EPHA3: variants seen among roughly 807,000 people sequenced by gnomAD.
The protein encoded by EPHA3 is EPH receptor A3, also known as ephrin type-A receptor 3.
A neutral mutation model predicts 107.1 loss-of-function variants in EPHA3; 42 were observed. That is an observed-to-expected ratio of 0.39 (90% CI 0.31 to 0.51). EPHA3 has a LOEUF of 0.51. Ranked by LOEUF, EPHA3 falls within the 20% of genes least tolerant of loss-of-function variation. EPHA3 has a pLI of 0.78. For synonymous variants in EPHA3, 461 were observed against 424.8 expected (o/e 1.09, Z -1.05); for missense variants, 1,183 against 1,211.2 (o/e 0.98, Z 0.35).
intron 15 of EPHA3, among the ~76,000 whole-genome samples, chr3:89,457,271 C>T (rs1325176385): frequency 3.3e-5 from 5 of 152,168 alleles, no homozygotes; most frequent in Admixed American, 2.6e-4. Flanking sequence ...GGGGAAAAAG[C>T]CTGATAGATC....
chr3:89,270,153 A>G lies in EPHA3; in HGVS notation c.814+59633A>G, dbSNP rs1705633605. On this transcript the variant is annotated intron_variant, in intron 3 of 16. Transcript: ENST00000336596. ...ATAAGATTGAAACTAATTATTATAT[A>G]AAAGATTCATTAATTTAATGTATTA... Among the ~76,000 whole-genome samples the G allele has an allele frequency of 2.0e-5, 3 of 152,054 alleles. No individual in the cohort carries two copies. The South Asian group carries it at 6.2e-4, about 31-fold the overall frequency.
At chr3:89,201,133 G>GA (rs1203322381) in intron 2 of EPHA3, among the ~76,000 whole-genome samples, 1 of 152,176 alleles carries the variant, frequency 6.6e-6, no homozygotes, top group African/African-American at 2.4e-5. Flanking sequence ...AATCATGGCA[G>GA]AAGGCAAAAG....
At chr3:89,434,189 C>A (rs931764663) in intron 13 of EPHA3, among the ~76,000 whole-genome samples, 3 of 152,018 alleles carry the variant, frequency 2.0e-5, no homozygotes, top group Admixed American at 6.6e-5. Flanking sequence ...GTTCTAATTT[C>A]TATGCCATAT....
chr3:89,476,165 AT>A (rs1710502689), intron 16 of EPHA3, among the ~76,000 whole-genome samples: 2 of 147,626 alleles, frequency 1.4e-5, no homozygotes, highest in Admixed American at 1.4e-4. Flanking sequence ...ATGTTTATAT[AT>A]TGTAGATAAC....
chr3:89,206,176 C>A (rs1239938326), intron 2 of EPHA3, among the ~76,000 whole-genome samples: 8 of 152,204 alleles, frequency 5.3e-5, no homozygotes, highest in Admixed American at 1.3e-4. Flanking sequence ...TCCTTGCAAC[C>A]TTTTATGTGC....
intron 15 of EPHA3, among the ~76,000 whole-genome samples, chr3:89,466,930 G>T (rs561878325): frequency 3.7e-4 from 56 of 151,924 alleles, no homozygotes; most frequent in Non-Finnish European, 6.6e-4. Context: ...AGGTGTAACG[G>T]CTATAACTTC....
intron 5 of EPHA3, among the ~76,000 whole-genome samples, chr3:89,372,714 C>T (rs1484278658): frequency 6.6e-6 from 1 of 151,748 alleles, no homozygotes; most frequent in Non-Finnish European, 1.5e-5. Context: ...ATTTGAACAG[C>T]TTAGTCTCTG....
At chr3:89,213,128 A>G (rs573472974) in intron 3 of EPHA3, among the ~76,000 whole-genome samples, 1 of 152,060 alleles carries the variant, frequency 6.6e-6, no homozygotes, top group South Asian at 2.1e-4. Context: ...CTTCACACCT[A>G]CTAAGTCTGT....
In EPHA3 at chr3:89,281,375, A is replaced by G. The variant is rs79072261; in HGVS notation, c.815-59541A>G. Among the ~76,000 whole-genome samples, 851 of 152,256 alleles carry G rather than the reference A, an allele frequency of 5.6e-3. 4 individuals carry two copies. Among genetic ancestry groups the G allele is most frequent in the African/African-American group, 0.016 (665 of 41,554 alleles). On this transcript the variant is annotated intron_variant, in intron 3 of 16. Transcript: ENST00000336596. The stretch of plus-strand genomic sequence containing the variant: ...ACATATGAGAAAATCAGAGAGGGTA[A>G]GTATCTTGCCCAAGACCAAAAACCA...
rs1346695034 is a variant in EPHA3, at chr3:89,337,892, T to A, written c.815-3024T>A. On this transcript the variant is annotated intron_variant, in intron 3 of 16. Coordinates refer to ENST00000336596, the MANE Select transcript of EPHA3 (RefSeq NM_005233.6). ...TCTGACATTATAAGAAATCTTGAGATTGGTGGTTCCTGGATCAAGTACAGA... is the reference window on the plus strand; with the variant it reads ...TCTGACATTATAAGAAATCTTGAGAATGGTGGTTCCTGGATCAAGTACAGA... 6.6e-5 allele frequency among the ~76,000 whole-genome samples: 10 copies of A among 152,336 alleles called. No individual in the cohort carries two copies. In the East Asian group the frequency reaches 1.9e-3, roughly 29 times the overall value.
chr3:89,436,721 A>T (rs1179773666), intron 13 of EPHA3, among the ~76,000 whole-genome samples: 1 of 152,196 alleles, frequency 6.6e-6, no homozygotes, highest in African/African-American at 2.4e-5. Flanking sequence ...TAAGCTCAAA[A>T]CTTAATTTAT....
intron 1 of EPHA3, among the ~76,000 whole-genome samples, chr3:89,123,529 A>G (rs964536600): frequency 5.9e-5 from 9 of 152,128 alleles, no homozygotes; most frequent in African/African-American, 2.2e-4. Context: ...GATCTTAGTA[A>G]CTTAGTGCCC....
chr3:89,429,217 A>C (rs1709514188), intron 12 of EPHA3, 50 bp downstream of exon 12: 5 of 1,405,240 alleles, frequency 3.6e-6, no homozygotes, highest in Admixed American at 1.7e-5. Context: ...TGCTGAAAAC[A>C]TTAGAGACAC....
intron 5 of EPHA3, among the ~76,000 whole-genome samples, chr3:89,363,522 A>G (rs915469006): frequency 2.0e-5 from 3 of 150,896 alleles, no homozygotes; most frequent in African/African-American, 7.3e-5. Flanking sequence ...TTATTGGAGT[A>G]CAATCTGCTT....
chr3:89,351,364 G>A (rs1707813813), intron 5 of EPHA3, among the ~76,000 whole-genome samples: 3 of 150,970 alleles, frequency 2.0e-5, no homozygotes, highest in Admixed American at 1.3e-4. Context: ...TATTCGGGTG[G>A]GAGTGACCCG....
rs778106353 is a variant in EPHA3 at position 89,408,126 on chromosome 3, G to T, written c.1757G>T (p.Gly586Val). The T allele has an allele frequency of 3.7e-6, 6 of 1,612,562 alleles. No individual in the cohort carries two copies. The highest frequency in any genetic ancestry group is 4.2e-6 in the Non-Finnish European group (5 of 1,178,954). ...GAAAAAAGACTTCATTTTGGCAATG[G>T]GCATTGTAAGTTTCTAAACTTGGCT... ...ADEKRLHFGNGHLKLPGLRTY... is the reference protein window; with the variant it reads ...ADEKRLHFGNVHLKLPGLRTY... The change falls in exon 9 of 17, where the codon GGG (glycine) becomes GTG (valine). Residue 586 changes from glycine (G) to valine (V), a missense_variant. By Grantham distance (109) the Gly-to-Val change is moderately radical. Transcript: ENST00000336596.
intron 5 of EPHA3, among the ~76,000 whole-genome samples, chr3:89,388,740 C>G (rs142159176): frequency 5.3e-5 from 8 of 152,136 alleles, no homozygotes; most frequent in African/African-American, 1.9e-4. Flanking sequence ...TTTCCCAACT[C>G]TTTGTGATCC....
chr3:89,250,588 T>C (rs757486320), intron 3 of EPHA3, among the ~76,000 whole-genome samples: 1 of 152,190 alleles, frequency 6.6e-6, no homozygotes, highest in Non-Finnish European at 1.5e-5. Flanking sequence ...TTTCTGTTCT[T>C]ATCCCCACTG....
chr3:89,270,027 C>T (rs1381313001), intron 3 of EPHA3, among the ~76,000 whole-genome samples: 3 of 151,790 alleles, frequency 2.0e-5, no homozygotes, highest in East Asian at 3.9e-4. Context: ...ATACTAGTAG[C>T]TCTTCGATGG....
Sources: allele counts gnomAD v4.1 joint callset (sites outside exome capture counted in the v4.1 genomes callset), GRCh38; gene constraint gnomAD v4.1.1; transcripts MANE v1.5; gene names NCBI Gene and HGNC (gene_info 2026-07-23, HGNC 2026-07-21).